Variants in DNAH7 observed in about 807,000 individuals in gnomAD.
DNAH7 encodes axonemal beta dynein heavy chain 7.
Under a neutral mutation model 444.6 loss-of-function variants are expected in DNAH7, and 397 were observed. That is an observed-to-expected ratio of 0.89 (90% CI 0.82 to 0.97). The LOEUF (loss-of-function observed/expected upper bound fraction) is 0.97, where lower values mean the gene tolerates loss of function less well. DNAH7 is among the 50% of genes least tolerant of loss of function. The pLI, the probability that DNAH7 is intolerant of heterozygous loss-of-function variation, is 0.00. For missense variants in DNAH7, 4,902 were observed against 4,800.8 expected (o/e 1.02, Z -0.62); for synonymous variants, 1,636 against 1,624.4 (o/e 1.01, Z -0.17).
chr2:195,878,827 ATC>A (rs1176182251), intron 36 of DNAH7, among the ~76,000 whole-genome samples: 1 of 152,220 alleles, frequency 6.6e-6, no homozygotes, highest in Non-Finnish European at 1.5e-5. Flanking sequence ...GTTTCAAAAC[ATC>A]TCTGTCTTAC....
intron 50 of DNAH7, 96 bp from the exon 51 acceptor site, chr2:195,817,059 A>G: frequency 1.2e-6 from 1 of 840,162 alleles, no homozygotes; most frequent in Non-Finnish European, 1.8e-6. Flanking sequence ...CTTGTAACCT[A>G]AAGAAATGCA....
intron 5 of DNAH7, among the ~76,000 whole-genome samples, chr2:196,036,503 G>T (rs2125815671): frequency 6.6e-6 from 1 of 152,250 alleles, no homozygotes; most frequent in Middle Eastern, 3.4e-3. Flanking sequence ...CTTCCCCCAA[G>T]GTATTGGGAA....
At chr2:195,935,857 A>G (rs1424010627) in intron 20 of DNAH7, among the ~76,000 whole-genome samples, 1 of 152,096 alleles carries the variant, frequency 6.6e-6, no homozygotes, top group African/African-American at 2.4e-5. Flanking sequence ...AGGCAAGAGA[A>G]CAGTACACTG....
At chr2:195,834,169 C>A (rs1452490734) in intron 48 of DNAH7, 37 bp downstream of exon 48, 30 of 1,562,690 alleles carry the variant, frequency 1.9e-5, no homozygotes, top group Non-Finnish European at 2.6e-5. Context: ...CCTCTCCAGG[C>A]AGTTCTGTAA....
intron 16 of DNAH7, among the ~76,000 whole-genome samples, chr2:195,970,913 A>T (rs1472627080): frequency 6.6e-6 from 1 of 152,196 alleles, no homozygotes; most frequent in East Asian, 1.9e-4. Flanking sequence ...AAGTTCATCA[A>T]CAGTGTGTGT....
intron 52 of DNAH7, 51 bp downstream of exon 52, chr2:195,809,693 AT>A (rs1696872491): frequency 2.1e-6 from 3 of 1,425,418 alleles, no homozygotes; most frequent in Non-Finnish European, 2.8e-6. Flanking sequence ...TAATAAATTA[AT>A]GAATCAGCGT....
chr2:195,883,224 G>A (rs1236450475), intron 35 of DNAH7, among the ~76,000 whole-genome samples: 10 of 152,224 alleles, frequency 6.6e-5, no homozygotes, highest in South Asian at 2.1e-4. Flanking sequence ...GAAGTGGGCC[G>A]ATCACAAGGT....
Position 196,018,030 on chromosome 2 carries a change from GTTTGA to G in DNAH7, c.869+1135_869+1139del, listed in dbSNP as rs1023076444. 4.6e-5 allele frequency among the ~76,000 whole-genome samples: 7 copies of G among 152,074 alleles called. 1 individual carries two copies. The highest frequency in any genetic ancestry group is 1.4e-4 in the African/African-American group (6 of 41,424). On this transcript the variant is annotated intron_variant, in intron 9 of 64. Coordinates refer to ENST00000312428, the MANE Select transcript of DNAH7 (RefSeq NM_018897.3). ...ATTATAAACCTAAGTTTTAGCAGTT[GTTTGA>G]TTTGTTTCAGGTACTAGACACAGAA...
At chr2:195,912,961 T>C (rs970543453) in intron 24 of DNAH7, among the ~76,000 whole-genome samples, 1 of 152,174 alleles carries the variant, frequency 6.6e-6, no homozygotes, top group African/African-American at 2.4e-5. Flanking sequence ...TAATTTTGAT[T>C]AGCTGTAAGT....
Position 196,058,560 on chromosome 2 carries a change from T to C in DNAH7, c.16-444A>G, listed in dbSNP as rs138253839. Among the ~76,000 whole-genome samples, 1,301 of 152,282 alleles carry C rather than the reference T, an allele frequency of 8.5e-3. 23 individuals carry two copies. Among genetic ancestry groups the C allele is most frequent in the African/African-American group, 0.029 (1,214 of 41,564 alleles). On this transcript the variant is annotated intron_variant, in intron 1 of 64. Transcript: ENST00000312428. ...TTGTATTTAATATAATTGTATTTAATACAAAATTGAAATTGAGACAATTCC... is the reference window on the plus strand; with the variant it reads ...TTGTATTTAATATAATTGTATTTAACACAAAATTGAAATTGAGACAATTCC...
In DNAH7 at chr2:195,853,698, T is replaced by C. The variant is rs147681466; in HGVS notation, c.8596-170A>G. ...TCCATGATATTTTAGAATTTGTAAA[T>C]ATAAAGTGTCTAATATAATTCATGA... On this transcript the variant is annotated intron_variant, in intron 45 of 64. Coordinates refer to ENST00000312428, the MANE Select transcript of DNAH7 (RefSeq NM_018897.3). Among the ~76,000 whole-genome samples the C allele has an allele frequency of 3.0e-3, 450 of 152,264 alleles. 3 individuals carry two copies. Among genetic ancestry groups the C allele is most frequent in the African/African-American group, 0.01 (433 of 41,556 alleles).
chr2:195,785,633 G>C (rs1314491495), intron 58 of DNAH7, among the ~76,000 whole-genome samples: 1 of 149,394 alleles, frequency 6.7e-6, no homozygotes, highest in African/African-American at 2.5e-5. Context: ...GAATGAGTTG[G>C]ATTTTTTCAG....
In DNAH7 at chr2:195,777,846, T is replaced by C. The variant is rs770387590; in HGVS notation, c.11018A>G (p.Tyr3673Cys). The C allele has an allele frequency of 1.7e-5, 27 of 1,613,988 alleles. No individual in the cohort carries two copies. In the East Asian group the frequency reaches 1.8e-4, roughly 11 times the overall value. ...FNPELVENSD[Y>C]KFDSSGIYFV... Reference sequence around the variant, plus strand: ...ATAGATGCCACTTGAGTCGAACTTATAGTCTGAATTTTCAACTAATTCGGG... The same window carrying C: ...ATAGATGCCACTTGAGTCGAACTTACAGTCTGAATTTTCAACTAATTCGGG... Residue 3673 changes from tyrosine to cysteine, a missense_variant, in exon 59 of 65, where the codon TAT becomes TGT. By Grantham distance (194) the Tyr-to-Cys change is radical (BLOSUM62 -2). Coordinates refer to ENST00000312428, the MANE Select transcript of DNAH7 (RefSeq NM_018897.3).
intron 31 of DNAH7, 110 bp from the exon 32 acceptor site, chr2:195,889,091 T>C: frequency 9.6e-7 from 1 of 1,044,980 alleles, no homozygotes; most frequent in Non-Finnish European, 1.4e-6. Flanking sequence ...AGGATTAATT[T>C]CATCATGAAA....
chr2:195,887,223 G>A (rs1005776283), intron 33 of DNAH7, among the ~76,000 whole-genome samples: 18 of 151,714 alleles, frequency 1.2e-4, no homozygotes, highest in African/African-American at 3.2e-4. Context: ...TAGAAAATTC[G>A]TTTATTATTT....
At chr2:195,744,597 G>A (rs1411002812) in intron 63 of DNAH7, among the ~76,000 whole-genome samples, 1 of 152,186 alleles carries the variant, frequency 6.6e-6, no homozygotes, top group Non-Finnish European at 1.5e-5. Flanking sequence ...TAACTGGGAG[G>A]CATCCCCCAG....
Position 196,058,132 on chromosome 2 carries a change from G to GA in DNAH7, c.16-17dup, listed in dbSNP as rs1697923435. On this transcript the variant is annotated splice_polypyrimidine_tract_variant and intron_variant, in intron 1 of 64. Transcript: ENST00000312428. ...CCGATTTATCCTGTATGAAAAACAT[G>GA]AAAAAACAAAACTGTTTACTCCGTT... The GA allele has an allele frequency of 6.4e-7, 1 of 1,564,680 alleles. No homozygotes were observed. The highest frequency in any genetic ancestry group is 8.6e-7 in the Non-Finnish European group (1 of 1,158,966).
intron 30 of DNAH7, chr2:195,892,824 T>TA (rs943722081): frequency 3.3e-5 from 5 of 152,104 alleles, no homozygotes; most frequent in African/African-American, 1.2e-4. Flanking sequence ...CATTTATTTT[T>TA]TATATATAAA....
intron 35 of DNAH7, 138 bp from the exon 36 acceptor site, chr2:195,882,130 C>T (rs1465656204): frequency 1.5e-6 from 1 of 661,812 alleles, no homozygotes; most frequent in Non-Finnish European, 2.5e-6. Flanking sequence ...AGACACTTTA[C>T]ACTCAGTTTG....
Sources: allele counts gnomAD v4.1 joint callset (sites outside exome capture counted in the v4.1 genomes callset), GRCh38; gene constraint gnomAD v4.1.1; transcripts MANE v1.5; gene names NCBI Gene and HGNC (gene_info 2026-07-23, HGNC 2026-07-21).